The following DOCK4 variants were observed in gnomAD, a reference collection of about 807,000 sequenced individuals.
The protein encoded by DOCK4 is dedicator of cytokinesis protein 4.
DOCK4 carries 97 observed loss-of-function variants against 268.1 expected under a neutral mutation model. The observed-to-expected ratio is 0.36, with a 90% confidence interval of 0.31 to 0.43. The LOEUF is 0.43. Among genes scored for constraint, DOCK4 ranks in the 20% least tolerant of loss-of-function variants. The pLI is 1.00. For missense variants in DOCK4, 2,145 were observed against 2,455.7 expected, an observed-to-expected ratio of 0.87 and a Z score of 2.67; for synonymous variants, 954 against 887.2, an observed-to-expected ratio of 1.08 and a Z score of -1.34.
intron 1 of DOCK4, among the ~76,000 whole-genome samples, chr7:112,043,394 A>G (rs1342472104): frequency 1.3e-5 from 2 of 152,234 alleles, no homozygotes; most frequent in African/African-American, 4.8e-5. Flanking sequence ...ACTTGTTTTG[A>G]TTAGTACACA....
chr7:111,848,966 C>T (rs945272903), intron 23 of DOCK4, among the ~76,000 whole-genome samples: 3 of 152,148 alleles, frequency 2.0e-5, no homozygotes, highest in Admixed American at 6.5e-5. Context: ...TTTAATTAGC[C>T]ACAGATCAAA....
chr7:112,052,464 C>G (rs983253207), intron 1 of DOCK4, among the ~76,000 whole-genome samples: 9 of 152,060 alleles, frequency 5.9e-5, no homozygotes, highest in African/African-American at 1.9e-4. Context: ...TTCTTCCCCC[C>G]CTCACTTCGG....
intron 1 of DOCK4, among the ~76,000 whole-genome samples, chr7:112,040,796 C>T (rs1804283078): frequency 6.6e-6 from 1 of 152,064 alleles, no homozygotes; most frequent in Admixed American, 6.6e-5. Flanking sequence ...TAAAATAGTT[C>T]ATGCAGTATT....
intron 1 of DOCK4, among the ~76,000 whole-genome samples, chr7:112,057,617 A>T (rs1805949844): frequency 6.6e-6 from 1 of 151,888 alleles, no homozygotes; most frequent in African/African-American, 2.4e-5. Flanking sequence ...TGCAAAAAAA[A>T]TTTAAAAACT....
chr7:111,871,677 T>A (rs1806440074), intron 20 of DOCK4, among the ~76,000 whole-genome samples: 1 of 152,238 alleles, frequency 6.6e-6, no homozygotes, highest in African/African-American at 2.4e-5. Flanking sequence ...GAAGTGGGAC[T>A]CTTAACAGCC....
chr7:111,852,285 T>G (rs1305370281), intron 23 of DOCK4, among the ~76,000 whole-genome samples: 1 of 152,180 alleles, frequency 6.6e-6, no homozygotes, highest in Non-Finnish European at 1.5e-5. Context: ...TTTCTTTTGA[T>G]GCCTGCCACT....
intron 1 of DOCK4, among the ~76,000 whole-genome samples, chr7:112,188,182 G>A (rs1208857636): frequency 6.6e-6 from 1 of 152,224 alleles, no homozygotes; most frequent in Non-Finnish European, 1.5e-5. Context: ...TCTGGTAGAA[G>A]AGACCAGCAC....
chr7:111,848,533 G>A (rs1804291103), intron 23 of DOCK4, among the ~76,000 whole-genome samples: 1 of 152,088 alleles, frequency 6.6e-6, no homozygotes, highest in Non-Finnish European at 1.5e-5. Context: ...TTCTCTCCCT[G>A]AGGAAATCAG....
intron 41 of DOCK4, among the ~76,000 whole-genome samples, chr7:111,756,119 C>T (rs545905414): frequency 6.6e-6 from 1 of 152,146 alleles, no homozygotes; most frequent in Non-Finnish European, 1.5e-5. Context: ...GAGGCCAAGG[C>T]AGGCAGATCA....
intron 12 of DOCK4, among the ~76,000 whole-genome samples, chr7:111,918,524 AC>A (rs1475922443): frequency 2.0e-5 from 3 of 152,154 alleles, no homozygotes; most frequent in Admixed American, 6.5e-5. Context: ...TACTAGTAGA[AC>A]CTTTTAAAAC....
At chr7:112,155,886 G>A (rs1816568255) in intron 1 of DOCK4, among the ~76,000 whole-genome samples, 1 of 152,132 alleles carries the variant, frequency 6.6e-6, no homozygotes, top group Non-Finnish European at 1.5e-5. Flanking sequence ...ACTGAGCACT[G>A]AACAGTATAT....
At chr7:112,193,238 T>C (rs1005455062) in intron 1 of DOCK4, among the ~76,000 whole-genome samples, 1 of 152,158 alleles carries the variant, frequency 6.6e-6, no homozygotes, top group African/African-American at 2.4e-5. Flanking sequence ...GTGAGCAACT[T>C]TGCAAAAATG....
rs141189171 is a variant in DOCK4, at chr7:111,873,812, A to T, written c.1745-1248T>A. ...AGTAAGGAATTCAGTACCAAACAGG[A>T]ATGTTTATCTGCAACAAACACGGGT... is the stretch of plus-strand genomic sequence containing the variant. On this transcript the variant is annotated intron_variant, in intron 17 of 52. Coordinates refer to ENST00000428084, the MANE Select transcript of DOCK4 (RefSeq NM_001363540.2). Among the ~76,000 whole-genome samples the T allele has an allele frequency of 1.5e-3, 236 of 152,278 alleles. 2 individuals are homozygous for T. In the East Asian group the frequency reaches 0.026, roughly 17 times the overall value.
chr7:112,170,062 G>A (rs1255228842), intron 1 of DOCK4, among the ~76,000 whole-genome samples: 3 of 152,020 alleles, frequency 2.0e-5, no homozygotes, highest in Non-Finnish European at 4.4e-5. Context: ...AAATTTGAAA[G>A]AGGAAAGAGG....
intron 34 of DOCK4, among the ~76,000 whole-genome samples, chr7:111,783,474 A>G (rs1411508345): frequency 6.6e-6 from 1 of 152,210 alleles, no homozygotes; most frequent in Non-Finnish European, 1.5e-5. Context: ...TTAAGAGAAT[A>G]GCATGATTGT....
intron 13 of DOCK4, among the ~76,000 whole-genome samples, chr7:111,908,170 CG>C (rs1366356680): frequency 4.6e-5 from 7 of 151,540 alleles, no homozygotes; most frequent in Non-Finnish European, 8.8e-5. Context: ...TTATATTGGC[CG>C]GGTGTGGTGG....
At chr7:111,861,466 G>A (rs930514048) in intron 23 of DOCK4, among the ~76,000 whole-genome samples, 1 of 152,046 alleles carries the variant, frequency 6.6e-6, no homozygotes, top group Admixed American at 6.5e-5. Flanking sequence ...ATAATATTAG[G>A]CCGGGTGTGG....
chr7:111,790,925 G>C (rs1159122604), intron 30 of DOCK4, among the ~76,000 whole-genome samples: 1 of 151,176 alleles, frequency 6.6e-6, no homozygotes, highest in Non-Finnish European at 1.5e-5. Flanking sequence ...GGGCGGGGTG[G>C]TGGGTGCCTG....
At chr7:111,819,060 C>G (rs1801780003) in intron 27 of DOCK4, among the ~76,000 whole-genome samples, 1 of 152,166 alleles carries the variant, frequency 6.6e-6, no homozygotes, top group Non-Finnish European at 1.5e-5. Context: ...TTTGATTTAA[C>G]AAATCGCTTT....
Sources: allele counts gnomAD v4.1 joint callset (sites outside exome capture counted in the v4.1 genomes callset), GRCh38; gene constraint gnomAD v4.1.1; transcripts MANE v1.5; gene names NCBI Gene and HGNC (gene_info 2026-07-23, HGNC 2026-07-21).